LPP: variants seen among roughly 807,000 people sequenced by gnomAD.
LPP encodes LIM domain containing preferred translocation partner in lipoma, also known as lipoma-preferred partner.
Under a neutral mutation model 60.4 loss-of-function variants are expected in LPP, and 38 were observed. The observed-to-expected ratio is 0.63, with a 90% confidence interval of 0.49 to 0.83. The LOEUF (loss-of-function observed/expected upper bound fraction) is 0.83, where lower values mean the gene tolerates loss of function less well. Ranked by LOEUF, LPP falls within the 40% of genes least tolerant of loss-of-function variation. The pLI, the probability that LPP is intolerant of heterozygous loss-of-function variation, is 0.00. For missense variants in LPP, 902 were observed against 783.6 expected (o/e 1.15, Z -1.80); for synonymous variants, 328 against 290.8 (o/e 1.13, Z -1.30).
intron 4 of LPP, among the ~76,000 whole-genome samples, chr3:188,463,180 G>A (rs780231380): frequency 2.0e-4 from 30 of 151,948 alleles, no homozygotes; most frequent in Non-Finnish European, 2.8e-4. Context: ...ATGTATGAAC[G>A]TGTGGGGTGT....
At chr3:188,483,814 A>G (rs1005781047) in intron 4 of LPP, among the ~76,000 whole-genome samples, 1 of 152,200 alleles carries the variant, frequency 6.6e-6, no homozygotes, top group African/African-American at 2.4e-5. Context: ...TCTGTCCTGC[A>G]TGGACTTTTA....
At chr3:188,670,274 G>A (rs1413212712) in intron 7 of LPP, among the ~76,000 whole-genome samples, 2 of 152,082 alleles carry the variant, frequency 1.3e-5, no homozygotes, top group African/African-American at 4.8e-5. Flanking sequence ...AAATTAATTA[G>A]TTAATTAAAA....
chr3:188,363,199 A>G (rs952304809), intron 3 of LPP, among the ~76,000 whole-genome samples: 1 of 152,114 alleles, frequency 6.6e-6, no homozygotes. Context: ...GATCTCTTTC[A>G]CCATTCAAGC....
chr3:188,414,160 G>A (rs1785563161), intron 4 of LPP, among the ~76,000 whole-genome samples: 1 of 151,846 alleles, frequency 6.6e-6, no homozygotes, highest in African/African-American at 2.4e-5. Context: ...TAACATTTGT[G>A]AAATAAAATT....
chr3:188,196,396 G>A (rs550225557), intron 1 of LPP, among the ~76,000 whole-genome samples: 6 of 152,212 alleles, frequency 3.9e-5, no homozygotes, highest in Non-Finnish European at 7.4e-5. Flanking sequence ...GACTCATTCC[G>A]GATGGCTCCT....
At chr3:188,302,501 A>C (rs1341636195) in intron 2 of LPP, among the ~76,000 whole-genome samples, 1 of 152,214 alleles carries the variant, frequency 6.6e-6, no homozygotes, top group Non-Finnish European at 1.5e-5. Flanking sequence ...GACAGCTCTT[A>C]GGATGTGGAT....
At chr3:188,390,661 T>C (rs921444568) in intron 3 of LPP, among the ~76,000 whole-genome samples, 2 of 151,766 alleles carry the variant, frequency 1.3e-5, no homozygotes, top group African/African-American at 4.9e-5. Context: ...TTCTCATTTA[T>C]GAGTTTCAAA....
At chr3:188,526,528 C>G (rs1294244069) in intron 6 of LPP, among the ~76,000 whole-genome samples, 1 of 152,164 alleles carries the variant, frequency 6.6e-6, no homozygotes, top group East Asian at 1.9e-4. Context: ...TGACCTCAAG[C>G]GATCTGCCCG....
At chr3:188,482,262 G>A (rs1230551089) in intron 4 of LPP, among the ~76,000 whole-genome samples, 1 of 152,120 alleles carries the variant, frequency 6.6e-6, no homozygotes, top group East Asian at 1.9e-4. Flanking sequence ...CCCATTCTCA[G>A]GCAGTTATTT....
intron 8 of LPP, among the ~76,000 whole-genome samples, chr3:188,734,114 A>G (rs1721646154): frequency 6.6e-6 from 1 of 152,074 alleles, no homozygotes; most frequent in African/African-American, 2.4e-5. Context: ...CTTACTCTGA[A>G]TGTTCATTTA....
intron 2 of LPP, among the ~76,000 whole-genome samples, chr3:188,292,656 T>G (rs988441327): frequency 2.0e-5 from 3 of 152,240 alleles, no homozygotes; most frequent in African/African-American, 7.2e-5. Flanking sequence ...ATTAGCATCA[T>G]GTACTAGAGT....
Position 188,204,923 on chromosome 3 carries a change from G to T in LPP, c.-189-20482G>T, listed in dbSNP as rs546951052. On this transcript the variant is annotated intron_variant, in intron 1 of 11. Transcript: ENST00000617246. The stretch of plus-strand genomic sequence containing the variant: ...CTATAGAGAATTTGGGACATAAAAT[G>T]TGTTTCTTCCAGTAACTCTTGCTTG... 1.1e-4 allele frequency among the ~76,000 whole-genome samples: 16 copies of T among 152,312 alleles called. No individual in the cohort carries two copies. The South Asian group carries it at 3.3e-3, about 32-fold the overall frequency.
intron 9 of LPP, among the ~76,000 whole-genome samples, chr3:188,819,652 G>A (rs1753432042): frequency 6.6e-6 from 1 of 152,132 alleles, no homozygotes; most frequent in Admixed American, 6.5e-5. Context: ...TTTGACAGAT[G>A]GTGTTCGGTG....
chr3:188,638,682 T>A (rs1239419537), intron 7 of LPP, among the ~76,000 whole-genome samples: 2 of 147,916 alleles, frequency 1.4e-5, no homozygotes, highest in Non-Finnish European at 3.0e-5. Flanking sequence ...GGATACAAAA[T>A]CAATGTACAA....
Position 188,183,183 on chromosome 3 carries a change from G to A in LPP, c.-190+28931G>A, listed in dbSNP as rs182793483. ...TGAACTCTTGTCCTCGGATCTCTGA[G>A]CTTGATTGGGCAGCTGGGAGTGTAG... On this transcript the variant is annotated intron_variant, in intron 1 of 11. Transcript: ENST00000617246. 1.8e-3 allele frequency among the ~76,000 whole-genome samples: 275 copies of A among 152,310 alleles called. 1 individual carries two copies. The highest frequency in any genetic ancestry group is 6.4e-3 in the African/African-American group (266 of 41,564).
chr3:188,597,733 C>T (rs549887705), intron 6 of LPP, among the ~76,000 whole-genome samples: 11 of 152,148 alleles, frequency 7.2e-5, no homozygotes, highest in African/African-American at 2.4e-4. Flanking sequence ...CTTATTGTTT[C>T]ATTTGATTAA....
At chr3:188,297,103 G>A (rs1265330736) in intron 2 of LPP, among the ~76,000 whole-genome samples, 3 of 152,190 alleles carry the variant, frequency 2.0e-5, no homozygotes, top group Non-Finnish European at 4.4e-5. Flanking sequence ...TGAAAAACCA[G>A]GGGCAGTTTC....
At chr3:188,523,031 C>T (rs867572781) in intron 5 of LPP, among the ~76,000 whole-genome samples, 1 of 151,834 alleles carries the variant, frequency 6.6e-6, no homozygotes, top group Non-Finnish European at 1.5e-5. Flanking sequence ...CCTCAGCCTC[C>T]CAAGTATCTG....
intron 9 of LPP, among the ~76,000 whole-genome samples, chr3:188,785,522 ATATATATT>A (rs1560201490): frequency 1.5e-4 from 7 of 47,688 alleles, no homozygotes; most frequent in African/African-American, 6.9e-4. Flanking sequence ...ATATATATAT[ATATATATT>A]CCATCATATA....
Sources: allele counts gnomAD v4.1 joint callset (sites outside exome capture counted in the v4.1 genomes callset), GRCh38; gene constraint gnomAD v4.1.1; transcripts MANE v1.5; gene names NCBI Gene and HGNC (gene_info 2026-07-23, HGNC 2026-07-21).